The following ITGA5 variants were observed in gnomAD, a reference collection of about 807,000 sequenced individuals.
The protein encoded by ITGA5 is integrin subunit alpha 5, also known as integrin alpha-5.
Under a neutral mutation model 146.3 loss-of-function variants are expected in ITGA5, and 55 were observed. The observed-to-expected ratio is 0.38, with a 90% CI of 0.30 to 0.47. The LOEUF is 0.47. Ranked by LOEUF, ITGA5 falls within the 20% of genes least tolerant of loss-of-function variation. ITGA5 has a pLI of 0.99. For missense variants in ITGA5, 1,131 were observed against 1,329.0 expected (o/e 0.85, Z 2.32); for synonymous variants, 500 against 531.8 (o/e 0.94, Z 0.82).
In ITGA5 at chr12:54,409,654, C is replaced by A; in HGVS notation, c.350-57G>T. 8.4e-7 allele frequency: 1 copy of A among 1,183,672 alleles called. No individual in the cohort carries two copies. The highest frequency in any genetic ancestry group is 1.2e-6 in the Non-Finnish European group (1 of 815,712). The allele number at this position is 1,183,672 out of a possible 1,614,324, so 73.3% of individuals were successfully genotyped here. On this transcript the variant is annotated intron_variant, in intron 2 of 29. Transcript: ENST00000293379. This position sits in a 1 kb window ranked among gnomAD's most constrained non-coding sequence, Gnocchi z 4.7. Reference sequence around the variant, plus strand: ...AGCCATGGACATTTGAGCTCTAGGGCAGCCCCTACCCTCAGCCTGGGGATA... The same window carrying A: ...AGCCATGGACATTTGAGCTCTAGGGAAGCCCCTACCCTCAGCCTGGGGATA...
chr12:54,418,841 C>T (rs1956041743), intron 1 of ITGA5, 140 bp downstream of exon 1: 27 of 1,042,158 alleles, frequency 2.6e-5, no homozygotes, highest in Non-Finnish European at 3.7e-5. Flanking sequence ...CCAACTCTAG[C>T]CAGGGCCCCC....
At chr12:54,400,516 G>T in intron 25 of ITGA5, 1 of 266,982 alleles carries the variant, frequency 3.7e-6, no homozygotes, top group Non-Finnish European at 7.1e-6. Flanking sequence ...TATTTAATTA[G>T]ATGTTAATGA....
intron 1 of ITGA5, among the ~76,000 whole-genome samples, chr12:54,415,096 C>T (rs1435331551): frequency 6.6e-6 from 1 of 151,962 alleles, no homozygotes; most frequent in African/African-American, 2.4e-5. Flanking sequence ...TGCGGTGAGC[C>T]GAGATTGCGC....
Position 54,419,089 on chromosome 12 carries a change from G to A in ITGA5, c.110C>T (p.Pro37Leu). ...PLLLLLLPPP[P>L]RVGGFNLDAE... Reference sequence around the variant, plus strand: ...GTCTAAGTTGAAGCCCCCGACCCTGGGTGGCGGCGGCAGCAGCAGCAACAG... The same window carrying A: ...GTCTAAGTTGAAGCCCCCGACCCTGAGTGGCGGCGGCAGCAGCAGCAACAG... The change falls in exon 1 of 30, where the codon CCC (proline) becomes CTC (leucine). Residue 37 changes from proline to leucine, a missense_variant. Pro to Leu is a moderately conservative substitution (Grantham distance 98, BLOSUM62 -3). This residue lies in a region of ITGA5 where 175 missense variants were observed against 179.3 expected (regional missense o/e 0.98). Transcript: ENST00000293379. 1 of 1,588,570 alleles carries A rather than the reference G, an allele frequency of 6.3e-7. No homozygotes were observed. Among genetic ancestry groups the A allele is most frequent in the East Asian group, 2.2e-5 (1 of 44,494 alleles).
chr12:54,398,920 A>G, intron 27 of ITGA5: 1 of 405,552 alleles, frequency 2.5e-6, no homozygotes, highest in South Asian at 3.9e-5. Context: ...GGTCACTGCA[A>G]CCTCCACCTC....
At chr12:54,410,316 CTG>C (rs1398447865) in intron 2 of ITGA5, among the ~76,000 whole-genome samples, 1 of 148,778 alleles carries the variant, frequency 6.7e-6, no homozygotes, top group African/African-American at 2.5e-5. Flanking sequence ...TATACTTGGA[CTG>C]TGTCTCTAAC....
In ITGA5 at chr12:54,405,192, C is replaced by G; in HGVS notation, c.1199G>C (p.Gly400Ala). The G allele has an allele frequency of 6.2e-7, 1 of 1,609,082 alleles. No homozygotes were observed. Among genetic ancestry groups the G allele is most frequent in the Non-Finnish European group, 8.5e-7 (1 of 1,176,534 alleles). ...ATTGTAGCCATCCTGGTCCAGGTCC[C>G]CCAGGGGGGTCAAGGAGCTGCCAAA... is the stretch of plus-strand genomic sequence containing the variant. ...GRFGSSLTPLGDLDQDGYNDV... is the reference protein window; with the variant it reads ...GRFGSSLTPLADLDQDGYNDV... The change falls in exon 12 of 30, where the codon GGG becomes GCG. Residue 400 changes from glycine (G) to alanine (A), a missense_variant. This residue lies in a region of ITGA5 where 889 missense variants were observed against 1,021.5 expected (regional missense o/e 0.87). Transcript: ENST00000293379.
chr12:54,404,323 C>G, intron 14 of ITGA5, 77 bp from the exon 15 acceptor site: 1 of 1,566,032 alleles, frequency 6.4e-7, no homozygotes, highest in Non-Finnish European at 8.8e-7. Context: ...TGCCCAAGCG[C>G]CAGAATGTGT....
Position 54,401,761 on chromosome 12 carries a change from ACACT to A in ITGA5, c.2306+11_2306+14del. 1 of 1,613,512 alleles carries A rather than the reference ACACT, an allele frequency of 6.2e-7. No individual in the cohort carries two copies. The highest frequency in any genetic ancestry group is 8.5e-7 in the Non-Finnish European group (1 of 1,179,484). ...TCCCCAGCTCAGCCCCAGCCTAGAC[ACACT>A]CACTCCCTACCTGAGGATCTGGAAG... On this transcript the variant is annotated intron_variant, in intron 22 of 29. Coordinates refer to ENST00000293379, the MANE Select transcript of ITGA5 (RefSeq NM_002205.5). This position sits in a 1 kb window ranked among gnomAD's most constrained non-coding sequence, Gnocchi z 5.0.
chr12:54,401,596 G>T lies in ITGA5; in HGVS notation c.2376C>A (p.Val792=). Residue 792 remains valine (V), a synonymous_variant, in exon 23 of 30, where the codon GTC becomes GTA. Coordinates refer to ENST00000293379, the MANE Select transcript of ITGA5 (RefSeq NM_002205.5). This position sits in a 1 kb window ranked among gnomAD's most constrained non-coding sequence, Gnocchi z 5.0. Reference sequence around the variant, plus strand: ...TGCCTGGCACTGACCCGTTCAGGGTGACCTGGGCCTGAGCCTCCACGGAGA... The same window carrying T: ...TGCCTGGCACTGACCCGTTCAGGGTTACCTGGGCCTGAGCCTCCACGGAGA... ...FRLSVEAQAQ[V]TLNGVSKPEA... 1 of 1,614,162 alleles carries T rather than the reference G, an allele frequency of 6.2e-7. No individual in the cohort carries two copies. The highest frequency in any genetic ancestry group is 1.1e-5 in the South Asian group (1 of 91,076).
chr12:54,409,682 C>T lies in ITGA5; in HGVS notation c.350-85G>A, dbSNP rs1955916708. Reference sequence around the variant, plus strand: ...CCCCTACCCTCAGCCTGGGGATACCCAACAAACGCTTCCAAGCCCTGAGAC... The same window carrying T: ...CCCCTACCCTCAGCCTGGGGATACCTAACAAACGCTTCCAAGCCCTGAGAC... On this transcript the variant is annotated intron_variant, in intron 2 of 29. Coordinates refer to ENST00000293379, the MANE Select transcript of ITGA5 (RefSeq NM_002205.5). This position sits in a 1 kb window ranked among gnomAD's most constrained non-coding sequence, Gnocchi z 4.7. 1 of 805,824 alleles carries T rather than the reference C, an allele frequency of 1.2e-6. No individual in the cohort carries two copies. The highest frequency in any genetic ancestry group is 2.0e-6 in the Non-Finnish European group (1 of 502,904). The allele number at this position is 805,824 out of a possible 1,614,324, so 49.9% of individuals were successfully genotyped here.
Position 54,403,200 on chromosome 12 carries a change from C to A in ITGA5, c.1901G>T (p.Arg634Leu). 6.4e-7 allele frequency: 1 copy of A among 1,559,876 alleles called. No individual in the cohort carries two copies. Among genetic ancestry groups the A allele is most frequent in the Non-Finnish European group, 8.7e-7 (1 of 1,154,322 alleles). ...RPALHYQSKS[R>L]IEDKAQILLD... ...CCCTGTCCTCACCTTGTCCTCTATC[C>A]GGCTCTTGCTCTGATAATGTAGGGC... The change falls in exon 18 of 30, where the codon CGG (arginine) becomes CTG (leucine). Residue 634 changes from arginine (R) to leucine (L), a missense_variant. Transcript: ENST00000293379. The surrounding 1 kb of genome is among the most constrained non-coding windows in gnomAD (Gnocchi z 4.9).
In ITGA5 at chr12:54,401,195, A is replaced by G. The variant is rs1290006323; in HGVS notation, c.2493+178T>C. On this transcript the variant is annotated intron_variant, in intron 24 of 29. Coordinates refer to ENST00000293379, the MANE Select transcript of ITGA5 (RefSeq NM_002205.5). The surrounding 1 kb of genome is among the most constrained non-coding windows in gnomAD (Gnocchi z 5.0). ...CTCCATCTTTCTTTCCAAGCCACTC[A>G]ATTGGCCTGTCTCTCCTCTGGCTGT... Among the ~76,000 whole-genome samples, 1 of 152,156 alleles carries G rather than the reference A, an allele frequency of 6.6e-6. No homozygotes were observed. The highest frequency in any genetic ancestry group is 1.5e-5 in the Non-Finnish European group (1 of 68,042).
intron 29 of ITGA5, among the ~76,000 whole-genome samples, chr12:54,396,970 GCCA>G (rs1311197749): frequency 6.6e-6 from 1 of 152,142 alleles, no homozygotes; most frequent in Non-Finnish European, 1.5e-5. Context: ...ACAGGTGTGA[GCCA>G]CCACACCTGG....
At chr12:54,404,326 G>T (rs1955832196) in intron 14 of ITGA5, 80 bp from the exon 15 acceptor site, 2 of 1,563,842 alleles carry the variant, frequency 1.3e-6, no homozygotes, top group Admixed American at 1.7e-5. Context: ...CCAAGCGCCA[G>T]AATGTGTGTC....
chr12:54,407,453 G>A, intron 9 of ITGA5, 196 bp downstream of exon 9: 3 of 626,632 alleles, frequency 4.8e-6, no homozygotes, highest in Non-Finnish European at 8.8e-6. Context: ...AGAAGGCTCA[G>A]AGAGGTTCAG....
At chr12:54,408,392 T>C (rs73322234) in intron 6 of ITGA5, among the ~76,000 whole-genome samples, 157 bp from the exon 7 acceptor site, 40 of 151,026 alleles carry the variant, frequency 2.6e-4, no homozygotes, top group African/African-American at 9.5e-4. Context: ...AAGAGGAGAA[T>C]TGGGAGTAGG....
At chr12:54,417,933 G>A (rs1171251858) in intron 1 of ITGA5, among the ~76,000 whole-genome samples, 2 of 152,218 alleles carry the variant, frequency 1.3e-5, no homozygotes, top group East Asian at 3.9e-4. Context: ...TCTAACTCCT[G>A]TTTCCCAAGC....
In ITGA5 at chr12:54,416,056, T is replaced by TTTTG. The variant is rs768022637; in HGVS notation, c.218+2921_218+2924dup. Reference sequence around the variant, plus strand: ...TCCTGAAGCCTCAGTTGTTTTTATTTTTTGTTTGTTTGTTGTTGTTTTTTT... The same window carrying TTTTG: ...TCCTGAAGCCTCAGTTGTTTTTATTTTTTGTTTGTTTGTTTGTTGTTGTTTTTTT... On this transcript the variant is annotated intron_variant, in intron 1 of 29. Transcript: ENST00000293379. The surrounding 1 kb of genome is among the most constrained non-coding windows in gnomAD (Gnocchi z 4.1). Among the ~76,000 whole-genome samples, 1 of 152,126 alleles carries TTTTG rather than the reference T, an allele frequency of 6.6e-6. No individual in the cohort carries two copies. The highest frequency in any genetic ancestry group is 1.5e-5 in the Non-Finnish European group (1 of 68,004).
Sources: gnomAD v4.1 joint callset for allele counts (sites outside exome capture counted in the v4.1 genomes callset) on GRCh38, gnomAD v4.1.1 for gene constraint, gnomAD v4.1.1 regional missense constraint, Gnocchi (gnomAD v3.1) non-coding constraint, MANE v1.5 for transcripts, NCBI Gene and HGNC (gene_info 2026-07-23, HGNC 2026-07-21) for gene names.